Variants in DOK4 observed in about 807,000 individuals in gnomAD.
DOK4 encodes the protein downstream of tyrosine kinase 4.
A neutral mutation model predicts 40.1 loss-of-function variants in DOK4; 26 were observed. The observed-to-expected ratio is 0.65, with a 90% CI of 0.48 to 0.90. The LOEUF is 0.90. Ranked by LOEUF, DOK4 falls within the 40% of genes least tolerant of loss-of-function variation. The pLI, the probability that DOK4 is intolerant of heterozygous loss-of-function variation, is 0.00. For synonymous variants in DOK4, 179 were observed against 177.0 expected (o/e 1.01, Z -0.09); for missense variants, 392 against 437.2 (o/e 0.90, Z 0.92).
chr16:57,485,490 C>T lies in DOK4; in HGVS notation c.-182+815G>A, dbSNP rs1274819195. Among the ~76,000 whole-genome samples the T allele has an allele frequency of 6.6e-6, 1 of 152,182 alleles. No homozygotes were observed. The highest frequency in any genetic ancestry group is 1.5e-5 in the Non-Finnish European group (1 of 68,032). ...GAACCTGCCCTAAGCAAGCCCACCT[C>T]ACACTGCCCAAGTGGAGTCTCCTAG... On this transcript the variant is annotated intron_variant, in intron 1 of 8. Coordinates refer to ENST00000340099, the Ensembl canonical transcript of DOK4. This position sits in a 1 kb window ranked among gnomAD's most constrained non-coding sequence, Gnocchi z 4.3.
At position 57,474,912 on chromosome 16, in the gene DOK4, G is replaced by A. The variant is rs753048797; in HGVS notation, c.480C>T (p.Thr160=). The change falls in exon 6 of 9, where the codon ACC becomes ACT. Residue 160 remains threonine (T), a synonymous_variant. Transcript: ENST00000340099. ...TGTCCCAGAGGTAGATGTTCTCGTG[G>A]GTGATCTGCAGCTTGCACTCGCCAT... 1.5e-5 allele frequency: 25 copies of A among 1,613,984 alleles called. 2 individuals carry two copies. The South Asian group carries it at 2.4e-4, about 16-fold the overall frequency.
chr16:57,475,119 C>A lies in DOK4; in HGVS notation c.390G>T (p.Gly130=), dbSNP rs763528603. Residue 130 remains glycine (G), a synonymous_variant, in exon 5 of 9, where the codon GGG becomes GGT. Coordinates refer to ENST00000340099, the Ensembl canonical transcript of DOK4. Reference sequence around the variant, plus strand: ...CCTCACCTGTCTGTTCACACTGCACCCCTGGGGCCAGGAGGTCAGGTTCTC... The same window carrying A: ...CCTCACCTGTCTGTTCACACTGCACACCTGGGGCCAGGAGGTCAGGTTCTC... 8 of 1,613,818 alleles carry A rather than the reference C, an allele frequency of 5.0e-6. No individual in the cohort carries two copies. The East Asian group carries it at 1.8e-4, about 36-fold the overall frequency.
intron 6 of DOK4, 190 bp downstream of exon 6, chr16:57,474,603 T>A: frequency 1.4e-6 from 1 of 725,364 alleles, no homozygotes; most frequent in East Asian, 2.7e-5. Context: ...TTGACCTGCA[T>A]GCTGTGGGCA....
In DOK4 at chr16:57,473,888, C is replaced by T. The variant is rs1471531084; in HGVS notation, c.738+13G>A. 3.7e-6 allele frequency: 5 copies of T among 1,342,960 alleles called. No individual in the cohort carries two copies. In the East Asian group the frequency reaches 1.2e-4, roughly 33 times the overall value. The allele number at this position is 1,342,960 out of a possible 1,614,324, so 83.2% of individuals were successfully genotyped here. A position where few individuals can be genotyped will look rare whatever the true frequency, so the allele number is the denominator to read the frequency against. On this transcript the variant is annotated intron_variant, in intron 7 of 8. Coordinates refer to ENST00000340099, the Ensembl canonical transcript of DOK4. ...CCTCCCCCCGTACCCTGGACTGATG[C>T]CCGCTGCCTCACCCTCACGTTCTTC...
At chr16:57,476,954 T>G (rs1034425556) in intron 2 of DOK4, among the ~76,000 whole-genome samples, 1 of 152,298 alleles carries the variant, frequency 6.6e-6, no homozygotes, top group Admixed American at 6.5e-5. Flanking sequence ...GACCCCTCCC[T>G]CCTGCCTAGA....
Position 57,479,320 on chromosome 16 carries a change from T to A in DOK4, c.66+122A>T. 1 of 1,103,994 alleles carries A rather than the reference T, an allele frequency of 9.1e-7. No homozygotes were observed. The highest frequency in any genetic ancestry group is 1.3e-6 in the Non-Finnish European group (1 of 760,026). The allele number at this position is 1,103,994 out of a possible 1,614,324, so 68.4% of individuals were successfully genotyped here. A position where few individuals can be genotyped will look rare whatever the true frequency, so the allele number is the denominator to read the frequency against. On this transcript the variant is annotated intron_variant, in intron 2 of 8. Coordinates refer to ENST00000340099, the Ensembl canonical transcript of DOK4. This position sits in a 1 kb window ranked among gnomAD's most constrained non-coding sequence, Gnocchi z 5.8. ...TGGCGAGGAGCCCCGAGACCACAGA[T>A]GCACGATGCCCGGCAGCCGGAGGGC...
intron 4 of DOK4, 92 bp downstream of exon 4, chr16:57,475,414 C>A (rs774716639): frequency 2.9e-6 from 4 of 1,397,228 alleles, no homozygotes; most frequent in Non-Finnish European, 3.0e-6. Flanking sequence ...CCATCTCCAC[C>A]CAGGGTTAGC....
At chr16:57,484,569 A>C (rs2031495765) in intron 1 of DOK4, among the ~76,000 whole-genome samples, 1 of 152,172 alleles carries the variant, frequency 6.6e-6, no homozygotes, top group African/African-American at 2.4e-5. Flanking sequence ...CCAGACCCTT[A>C]AGCCAGGAGA....
intron 8 of DOK4, 50 bp downstream of exon 8, chr16:57,473,563 C>T (rs1273152798): frequency 6.2e-7 from 1 of 1,614,262 alleles, no homozygotes; most frequent in South Asian, 1.1e-5. Context: ...TAGGCCTCAT[C>T]CTCCACAAAG....
exon 4 of DOK4, chr16:57,475,602 C>T (rs367612002): frequency 1.1e-5 from 17 of 1,605,004 alleles, no homozygotes; most frequent in Middle Eastern, 2.1e-4. Context: ...ACACACTTGA[C>T]GTTGCTGATC....
intron 1 of DOK4, chr16:57,481,625 G>A (rs1444561776): frequency 6.6e-6 from 1 of 152,132 alleles, no homozygotes; most frequent in Non-Finnish European, 1.5e-5. Flanking sequence ...GAAGCCCCCA[G>A]TCAGAACACG....
Position 57,479,646 on chromosome 16 carries a change from C to A in DOK4, c.-139G>T. On this transcript the variant is annotated 5_prime_UTR_variant, in exon 2 of 9. Coordinates refer to ENST00000340099, the Ensembl canonical transcript of DOK4. This position sits in a 1 kb window ranked among gnomAD's most constrained non-coding sequence, Gnocchi z 5.8. ...CCGCGAGGGGCTGCTCCTCACCTCA[C>A]CCGCCTCAGCATTGTTCTAGCAGCT... 2 of 807,486 alleles carry A rather than the reference C, an allele frequency of 2.5e-6. No individual in the cohort carries two copies. Among genetic ancestry groups the A allele is most frequent in the Non-Finnish European group, 4.1e-6 (2 of 487,582 alleles). 50.0% of individuals were successfully genotyped at this position (807,486 alleles called of 1,614,324 possible). A position where few individuals can be genotyped will look rare whatever the true frequency, so the allele number is the denominator to read the frequency against.
At position 57,475,660 on chromosome 16, in the gene DOK4, A is replaced by ATCTATCTCTCTCTC; in HGVS notation, c.175-41_175-40insGAGAGAGAGATAGA. ...ACAAGGGACTTAGCCAGGCCAGTGC[A>ATCTATCTCTCTCTC]TCTCTCTCTCTCTCTCTCTCTCTCT... On this transcript the variant is annotated intron_variant, in intron 3 of 8. Transcript: ENST00000340099. 3 of 476,182 alleles carry ATCTATCTCTCTCTC rather than the reference A, an allele frequency of 6.3e-6. No homozygotes were observed. The South Asian group carries it at 6.5e-5, about 10-fold the overall frequency. The allele number at this position is 476,182 out of a possible 1,614,324, so 29.5% of individuals were successfully genotyped here. A position where few individuals can be genotyped will look rare whatever the true frequency, so the allele number is the denominator to read the frequency against.
exon 6 of DOK4, chr16:57,474,853 G>A (rs148994029): frequency 1.2e-6 from 2 of 1,614,058 alleles, no homozygotes; most frequent in African/African-American, 2.7e-5. Context: ...TGAGCAGAGG[G>A]GCCACGAGAC....
rs369994582 is a variant in DOK4, at chr16:57,479,035, G to C, written c.66+407C>G. On this transcript the variant is annotated intron_variant, in intron 2 of 8. Transcript: ENST00000340099. This position sits in a 1 kb window ranked among gnomAD's most constrained non-coding sequence, Gnocchi z 5.8. ...GGAGAGGTGAGGGGAGGCCGGGGGT[G>C]GGGGGCAAACGGAAGGGAGAGGAGG... Among the ~76,000 whole-genome samples the C allele has an allele frequency of 2.0e-5, 3 of 152,172 alleles. No individual in the cohort carries two copies. The highest frequency in any genetic ancestry group is 1.3e-4 in the Admixed American group (2 of 15,274).
At chr16:57,473,380 C>T (rs765230183) in exon 9 of DOK4, 7 of 1,613,028 alleles carry the variant, frequency 4.3e-6, no homozygotes, top group Middle Eastern at 1.7e-4. Context: ...ACTGTGGTCA[C>T]TGGGATGGGG....
intron 4 of DOK4, 37 bp from the exon 5 acceptor site, chr16:57,475,256 C>A (rs2031096716): frequency 1.9e-6 from 3 of 1,594,610 alleles, no homozygotes; most frequent in South Asian, 1.1e-5. Context: ...AGCTCCAGAG[C>A]CCGGTAGCCC....
chr16:57,476,159 T>C (rs2031174707), intron 2 of DOK4: 5 of 577,364 alleles, frequency 8.7e-6, no homozygotes, highest in South Asian at 7.9e-5. Context: ...TGAAAAGTCA[T>C]TGACTTCTTG....
exon 8 of DOK4, chr16:57,473,635 G>A (rs1359765983): frequency 4.3e-6 from 7 of 1,614,118 alleles, no homozygotes; most frequent in East Asian, 2.2e-5. Context: ...AGGCTTCGGC[G>A]ATGTTCTGGG....
Sources: gnomAD v4.1 joint callset for allele counts (sites outside exome capture counted in the v4.1 genomes callset) on GRCh38, gnomAD v4.1.1 for gene constraint, Gnocchi (gnomAD v3.1) non-coding constraint, MANE v1.5 for transcripts, NCBI Gene and HGNC (gene_info 2026-07-23, HGNC 2026-07-21) for gene names.